The following PRKAG2 variants were observed in gnomAD, a reference collection of about 807,000 sequenced individuals.
PRKAG2 encodes 5'-AMP-activated protein kinase subunit gamma-2.
A neutral mutation model predicts 69.6 loss-of-function variants in PRKAG2; 26 were observed. That is an observed-to-expected ratio of 0.37 (90% CI 0.27 to 0.52). PRKAG2 has a LOEUF of 0.52. PRKAG2 is among the 20% of genes least tolerant of loss of function. The pLI is 0.90. For synonymous variants in PRKAG2, 293 were observed against 285.0 expected, an observed-to-expected ratio of 1.03 and a Z score of -0.28; for missense variants, 557 against 740.0, an observed-to-expected ratio of 0.75 and a Z score of 2.87.
At chr7:151,672,956 A>G (rs933977249) in intron 4 of PRKAG2, among the ~76,000 whole-genome samples, 2 of 152,160 alleles carry the variant, frequency 1.3e-5, no homozygotes, top group African/African-American at 4.8e-5. Flanking sequence ...GGAAGGACCT[A>G]TACTTGTTGG....
chr7:151,764,311 C>T (rs1254469657), intron 3 of PRKAG2, among the ~76,000 whole-genome samples: 4 of 152,234 alleles, frequency 2.6e-5, no homozygotes, highest in African/African-American at 9.6e-5. Flanking sequence ...CAGCCCAGCC[C>T]AGGAGAGTGA....
At position 151,871,047 on chromosome 7, in the gene PRKAG2, A is replaced by T. The variant is rs575732259; in HGVS notation, c.114+5460T>A. Among the ~76,000 whole-genome samples, 3 of 152,156 alleles carry T rather than the reference A, an allele frequency of 2.0e-5. No individual in the cohort carries two copies. In the East Asian group the frequency reaches 5.8e-4, roughly 29 times the overall value. The stretch of plus-strand genomic sequence containing the variant: ...CCCCAAAGACTTCTGCCTTGGGTCC[A>T]TCTCTCTGACGTCTTCCCTCTCCCT... On this transcript the variant is annotated intron_variant, in intron 1 of 15. Coordinates refer to ENST00000287878, the MANE Select transcript of PRKAG2 (RefSeq NM_016203.4).
At position 151,642,159 on chromosome 7, in the gene PRKAG2, C is replaced by T. The variant is rs150970573; in HGVS notation, c.685-10021G>A. ...GACCATCCTGGCTAACACGGTGAAA[C>T]ACTGTCTCTGCTAAAAATACAGAAA... On this transcript the variant is annotated intron_variant, in intron 4 of 15. Coordinates refer to ENST00000287878, the MANE Select transcript of PRKAG2 (RefSeq NM_016203.4). 5.6e-4 allele frequency among the ~76,000 whole-genome samples: 85 copies of T among 150,922 alleles called. No individual in the cohort carries two copies. In the East Asian group the frequency reaches 0.014, roughly 24 times the overall value.
At chr7:151,629,965 A>G (rs867199724) in intron 5 of PRKAG2, among the ~76,000 whole-genome samples, 1 of 152,238 alleles carries the variant, frequency 6.6e-6, no homozygotes, top group Non-Finnish European at 1.5e-5. Context: ...TAAGCAATTT[A>G]AAGTTCAAAA....
chr7:151,645,218 A>G (rs1433987538), intron 4 of PRKAG2, among the ~76,000 whole-genome samples: 1 of 152,190 alleles, frequency 6.6e-6, no homozygotes, highest in East Asian at 1.9e-4. Flanking sequence ...CTGTCTATAT[A>G]CATAAGACTG....
chr7:151,558,028 T>C, intron 15 of PRKAG2: 1 of 985,348 alleles, frequency 1.0e-6, no homozygotes, highest in Non-Finnish European at 1.2e-6. Flanking sequence ...CTCCTAATTT[T>C]TCACCAGACG....
At chr7:151,857,371 A>C (rs1227479136) in intron 1 of PRKAG2, among the ~76,000 whole-genome samples, 1 of 143,642 alleles carries the variant, frequency 7.0e-6, no homozygotes, top group Non-Finnish European at 1.5e-5. Flanking sequence ...GCTGTGCCCA[A>C]GGTGGACCCA....
chr7:151,615,123 A>G (rs1225702326), intron 5 of PRKAG2, among the ~76,000 whole-genome samples: 1 of 152,184 alleles, frequency 6.6e-6, no homozygotes, highest in East Asian at 1.9e-4. Context: ...GAACCCCGAG[A>G]AAGGAGCTGT....
At chr7:151,764,070 G>C (rs1312834728) in intron 3 of PRKAG2, among the ~76,000 whole-genome samples, 1 of 152,252 alleles carries the variant, frequency 6.6e-6, no homozygotes, top group Non-Finnish European at 1.5e-5. Flanking sequence ...AGACAGCCTG[G>C]CAGAGGAGGG....
intron 3 of PRKAG2, among the ~76,000 whole-genome samples, chr7:151,731,148 C>T (rs1225957229): frequency 6.6e-6 from 1 of 152,218 alleles, no homozygotes; most frequent in African/African-American, 2.4e-5. Context: ...CTAATCTTCC[C>T]TCTACATTTT....
chr7:151,563,500 T>C (rs907460123), intron 14 of PRKAG2, among the ~76,000 whole-genome samples: 6 of 152,252 alleles, frequency 3.9e-5, no homozygotes, highest in Non-Finnish European at 8.8e-5. Context: ...ACTTTAAATT[T>C]TGAATTCATA....
chr7:151,714,211 C>T (rs1166297420), intron 3 of PRKAG2, among the ~76,000 whole-genome samples: 1 of 152,176 alleles, frequency 6.6e-6, no homozygotes, highest in African/African-American at 2.4e-5. Context: ...AGAGTCAGCG[C>T]TCATTAAACA....
chr7:151,784,889 CT>C (rs1243301062), intron 2 of PRKAG2, among the ~76,000 whole-genome samples: 1 of 152,176 alleles, frequency 6.6e-6, no homozygotes, highest in Non-Finnish European at 1.5e-5. Flanking sequence ...TCTGACCCCT[CT>C]CACCGGGAAC....
At chr7:151,590,529 C>T (rs762648291) in intron 6 of PRKAG2, among the ~76,000 whole-genome samples, 3 of 152,174 alleles carry the variant, frequency 2.0e-5, no homozygotes, top group Non-Finnish European at 2.9e-5. Flanking sequence ...TCCGAGCCTC[C>T]CATGGCAGTG....
chr7:151,687,902 C>T (rs774290352), intron 3 of PRKAG2, among the ~76,000 whole-genome samples: 9 of 152,222 alleles, frequency 5.9e-5, no homozygotes, highest in East Asian at 5.8e-4. Context: ...GCTGCCTCTC[C>T]GTGTCCACCC....
intron 1 of PRKAG2, among the ~76,000 whole-genome samples, chr7:151,865,736 G>A (rs2080049112): frequency 6.6e-6 from 1 of 152,228 alleles, no homozygotes. Context: ...AAGTGGAGAA[G>A]AGGCCGGGCG....
chr7:151,626,033 A>G (rs942597455), intron 5 of PRKAG2, among the ~76,000 whole-genome samples: 5 of 152,182 alleles, frequency 3.3e-5, no homozygotes, highest in Non-Finnish European at 7.3e-5. Context: ...TAGGGCCAAG[A>G]GGCCATTCTT....
intron 1 of PRKAG2, among the ~76,000 whole-genome samples, chr7:151,832,881 G>A (rs1478049688): frequency 6.6e-6 from 1 of 152,158 alleles, no homozygotes; most frequent in Admixed American, 6.5e-5. Flanking sequence ...CCCGTGCCCT[G>A]ACCCCACGTT....
intron 1 of PRKAG2, among the ~76,000 whole-genome samples, chr7:151,822,214 G>T (rs1193594076): frequency 1.3e-5 from 2 of 152,208 alleles, no homozygotes; most frequent in Non-Finnish European, 2.9e-5. Context: ...TCTGGCCAGG[G>T]CTGGGGCCAG....
Sources: allele counts gnomAD v4.1 joint callset (sites outside exome capture counted in the v4.1 genomes callset), GRCh38; gene constraint gnomAD v4.1.1; transcripts MANE v1.5; gene names NCBI Gene and HGNC (gene_info 2026-07-23, HGNC 2026-07-21).